GRHPR: variants seen among roughly 807,000 people sequenced by gnomAD.
The protein encoded by GRHPR is glyoxylate reductase/hydroxypyruvate reductase.
GRHPR carries 35 observed loss-of-function variants against 36.8 expected under a neutral mutation model. That is an observed-to-expected ratio of 0.95 (90% CI 0.73 to 1.26). The LOEUF (loss-of-function observed/expected upper bound fraction) is 1.26, where lower values mean the gene tolerates loss of function less well. Ranked by LOEUF, GRHPR falls within the 50% of genes most tolerant of loss-of-function variation. The pLI, the probability that GRHPR is intolerant of heterozygous loss-of-function variation, is 0.00. For missense variants in GRHPR, 380 were observed against 435.0 expected, an observed-to-expected ratio of 0.87 and a Z score of 1.12; for synonymous variants, 179 against 181.0, an observed-to-expected ratio of 0.99 and a Z score of 0.09.
At chr9:37,430,399 G>C (rs949333826) in intron 6 of GRHPR, 112 bp from the exon 7 acceptor site, 4 of 901,080 alleles carry the variant, frequency 4.4e-6, no homozygotes, top group Admixed American at 1.7e-5. Context: ...CGGCCTTCAG[G>C]AAGCATCTTG....
At chr9:37,433,359 G>A (rs1448598283) in intron 8 of GRHPR, among the ~76,000 whole-genome samples, 1 of 150,952 alleles carries the variant, frequency 6.6e-6, no homozygotes, top group Non-Finnish European at 1.5e-5. Flanking sequence ...TCAGCTTCCC[G>A]AGTAGCTGGG....
intron 8 of GRHPR, chr9:37,432,392 A>AT: frequency 2.4e-6 from 1 of 418,956 alleles, no homozygotes. Context: ...TTAAAAAAAA[A>AT]GAGTGGGCCA....
At chr9:37,434,668 CAA>C (rs770115442) in intron 8 of GRHPR, 92 of 167,156 alleles carry the variant, frequency 5.5e-4, no homozygotes, top group Non-Finnish European at 8.7e-4. Flanking sequence ...CACCCTCCAA[CAA>C]AGTGTCTTTC....
At position 37,432,126 on chromosome 9, in the gene GRHPR, C is replaced by G; in HGVS notation, c.853C>G (p.Leu285Val). ...PLPTNHPLLT[L>V]KNCVILPHIG... ...GCCTACAAACCACCCTCTCCTGACC[C>G]TGAAGAACTGTGGTAAGAACTGCAC... The change falls in exon 8 of 9, where the codon CTG (leucine) becomes GTG (valine). Residue 285 changes from leucine to valine, a missense_variant. Physicochemically the swap from Leu to Val is conservative, Grantham distance 32. Coordinates refer to ENST00000318158, the MANE Select transcript of GRHPR (RefSeq NM_012203.2). 1 of 1,614,044 alleles carries G rather than the reference C, an allele frequency of 6.2e-7. No individual in the cohort carries two copies. The highest frequency in any genetic ancestry group is 8.5e-7 in the Non-Finnish European group (1 of 1,179,916).
chr9:37,428,714 A>G (rs1465553470), intron 5 of GRHPR, 142 bp downstream of exon 5: 1 of 719,054 alleles, frequency 1.4e-6, no homozygotes, highest in South Asian at 1.4e-5. Flanking sequence ...AATGAGGGAT[A>G]CAGCTTTGTA....
intron 4 of GRHPR, chr9:37,427,662 AGTCT>A (rs941771465): frequency 6.6e-6 from 1 of 152,114 alleles, no homozygotes; most frequent in African/African-American, 2.4e-5. Flanking sequence ...ATGTGGCAAA[AGTCT>A]GTCTCTACAA....
chr9:37,425,843 T>C, intron 2 of GRHPR, 79 bp from the exon 3 acceptor site: 1 of 860,344 alleles, frequency 1.2e-6, no homozygotes, highest in Admixed American at 1.7e-5. Flanking sequence ...TAATAAGCGG[T>C]GTCCCCATGA....
chr9:37,433,411 T>G (rs1000397445), intron 8 of GRHPR, among the ~76,000 whole-genome samples: 6 of 151,994 alleles, frequency 3.9e-5, no homozygotes, highest in African/African-American at 1.5e-4. Context: ...TTTTTGTATT[T>G]TTAGTAGAGA....
downstream of GRHPR, among the ~76,000 whole-genome samples, chr9:37,437,567 T>C (rs548819110): frequency 6.6e-6 from 1 of 152,322 alleles, no homozygotes; most frequent in African/African-American, 2.4e-5. Flanking sequence ...GACGTAACTC[T>C]TATTTTGGTC....
chr9:37,434,479 T>C, intron 8 of GRHPR: 3 of 566,134 alleles, frequency 5.3e-6, no homozygotes, highest in Non-Finnish European at 9.7e-6. Context: ...CCCAGATCTT[T>C]GTCCCCAAGA....
Position 37,429,740 on chromosome 9 carries a change from A to T in GRHPR, c.502A>T (p.Ile168Phe). 6.2e-7 allele frequency: 1 copy of T among 1,610,632 alleles called. No individual in the cohort carries two copies. Among genetic ancestry groups the T allele is most frequent in the Non-Finnish European group, 8.5e-7 (1 of 1,176,712 alleles). ...IIGLGRIGQA[I>F]ARRLKPFGVQ... ...GACTCTCCTTGCTCTAGGCCAGGCCATTGCTCGGCGTCTGAAACCATTCGG... is the reference window on the plus strand; with the variant it reads ...GACTCTCCTTGCTCTAGGCCAGGCCTTTGCTCGGCGTCTGAAACCATTCGG... The change falls in exon 6 of 9, where the codon ATT (isoleucine) becomes TTT (phenylalanine). Residue 168 changes from isoleucine to phenylalanine, a missense_variant. Transcript: ENST00000318158.
At chr9:37,435,463 G>A (rs1823595731) in intron 8 of GRHPR, among the ~76,000 whole-genome samples, 2 of 150,594 alleles carry the variant, frequency 1.3e-5, no homozygotes, top group African/African-American at 4.9e-5. Context: ...GCTGGTTTTT[G>A]CTGTTCATTG....
At chr9:37,434,231 C>T in intron 8 of GRHPR, 2 of 403,558 alleles carry the variant, frequency 5.0e-6, no homozygotes, top group Admixed American at 4.3e-5. Flanking sequence ...TGTAAAAAGA[C>T]CATGCAGCTC....
intron 1 of GRHPR, 35 bp from the exon 2 acceptor site, chr9:37,424,810 T>A (rs374635556): frequency 1.9e-5 from 31 of 1,606,786 alleles, no homozygotes; most frequent in East Asian, 1.3e-4. Context: ...GGTGTGCGGC[T>A]CCTGCTTCTC....
chr9:37,427,915 C>T lies in GRHPR; in HGVS notation c.405-569C>T, dbSNP rs115806649. 5.6e-3 allele frequency: 887 copies of T among 158,008 alleles called. 8 individuals carry two copies. Among genetic ancestry groups the T allele is most frequent in the African/African-American group, 0.021 (849 of 41,382 alleles). The allele number at this position is 158,008 out of a possible 1,614,324, so 9.8% of individuals were successfully genotyped here. A position where few individuals can be genotyped will look rare whatever the true frequency, so the allele number is the denominator to read the frequency against. Reference sequence around the variant, plus strand: ...GACTGGCCCGAGTCAAGGTGGGAGGCGTGCAAACGCAGGCTCTCACAGTGC... The same window carrying T: ...GACTGGCCCGAGTCAAGGTGGGAGGTGTGCAAACGCAGGCTCTCACAGTGC... On this transcript the variant is annotated intron_variant, in intron 4 of 8. Transcript: ENST00000318158.
intron 5 of GRHPR, 146 bp from the exon 6 acceptor site, chr9:37,429,586 C>A: frequency 4.0e-6 from 3 of 740,972 alleles, no homozygotes; most frequent in South Asian, 2.8e-5. Context: ...GCCAGCCCCC[C>A]ACCCGCTTTG....
At chr9:37,424,784 G>A (rs769754948) in intron 1 of GRHPR, 61 bp from the exon 2 acceptor site, 23 of 1,573,454 alleles carry the variant, frequency 1.5e-5, no homozygotes, top group Non-Finnish European at 2.0e-5. Context: ...ATTCCCAGCT[G>A]GGAGGGGCGG....
At chr9:37,431,842 C>T (rs1823382085) in intron 7 of GRHPR, 166 bp from the exon 8 acceptor site, 1 of 669,446 alleles carries the variant, frequency 1.5e-6, no homozygotes, top group Admixed American at 2.6e-5. Context: ...CTGGAGTTCT[C>T]TGAGTATATA....
chr9:37,432,113 C>G lies in GRHPR; in HGVS notation c.840C>G (p.His280Gln). The change falls in exon 8 of 9, where the codon CAC becomes CAG. Residue 280 changes from histidine to glutamine, a missense_variant. By Grantham distance (24) the His-to-Gln change is conservative. Transcript: ENST00000318158. ...VTSPEPLPTN[H>Q]PLLTLKNCVI... is the part of the protein sequence containing the mutation. ...GCCCAGAACCACTGCCTACAAACCA[C>G]CCTCTCCTGACCCTGAAGAACTGTG... The G allele has an allele frequency of 1.2e-6, 2 of 1,614,058 alleles. No homozygotes were observed. The highest frequency in any genetic ancestry group is 1.7e-6 in the Non-Finnish European group (2 of 1,179,926).
Sources: gnomAD v4.1 joint callset for allele counts (sites outside exome capture counted in the v4.1 genomes callset) on GRCh38, gnomAD v4.1.1 for gene constraint, MANE v1.5 for transcripts, NCBI Gene and HGNC (gene_info 2026-07-23, HGNC 2026-07-21) for gene names.